The following UTP18 variants were observed in gnomAD, a reference collection of about 807,000 sequenced individuals.
UTP18 encodes UTP18 small subunit processome component.
In UTP18, 36 loss-of-function variants were observed where a neutral mutation model predicts 61.1. That is an observed-to-expected ratio of 0.59 (90% CI 0.45 to 0.78). The LOEUF is 0.78. UTP18 is among the 30% of genes least tolerant of loss of function. UTP18 has a pLI of 0.00. For synonymous variants in UTP18, 282 were observed against 251.1 expected (o/e 1.12, Z -1.16); for missense variants, 753 against 693.9 (o/e 1.09, Z -0.96).
intron 11 of UTP18, among the ~76,000 whole-genome samples, chr17:51,291,246 T>C (rs1905231203): frequency 1.3e-5 from 2 of 152,108 alleles, no homozygotes; most frequent in African/African-American, 4.8e-5. Flanking sequence ...ATTATACCTT[T>C]TAAAATGGGG....
intron 8 of UTP18, 91 bp downstream of exon 8, chr17:51,280,196 G>T (rs1353120204): frequency 5.8e-6 from 8 of 1,391,242 alleles, no homozygotes; most frequent in Non-Finnish European, 8.0e-6. Flanking sequence ...CCTTAAATCT[G>T]CATCTCCAAG....
chr17:51,297,126 T>C (rs1905388553), intron 13 of UTP18, 123 bp downstream of exon 13: 20 of 804,318 alleles, frequency 2.5e-5, no homozygotes, highest in Non-Finnish European at 3.4e-5. Flanking sequence ...CATCTTTATT[T>C]AGAGGGGTGG....
intron 5 of UTP18, among the ~76,000 whole-genome samples, chr17:51,274,936 G>T (rs1383205662): frequency 6.6e-6 from 1 of 151,376 alleles, no homozygotes; most frequent in African/African-American, 2.4e-5. Context: ...AGTGGCTCAC[G>T]CCTGTAATCC....
At position 51,277,250 on chromosome 17, in the gene UTP18, C is replaced by A; in HGVS notation, c.958C>A (p.Leu320Ile). The change falls in exon 7 of 14, where the codon CTT becomes ATT. Residue 320 changes from leucine to isoleucine, a missense_variant. Leu to Ile is a conservative substitution (Grantham distance 5, BLOSUM62 2). Transcript: ENST00000225298. ...VLATSTHSKV[L>I]YVYDMLAGKL... Reference sequence around the variant, plus strand: ...AGCCACGAGTACCCACAGCAAGGTTCTTTATGTCTATGACATGCTGGCTGG... The same window carrying A: ...AGCCACGAGTACCCACAGCAAGGTTATTTATGTCTATGACATGCTGGCTGG... 1 of 1,614,132 alleles carries A rather than the reference C, an allele frequency of 6.2e-7. No individual in the cohort carries two copies. Among genetic ancestry groups the A allele is most frequent in the Non-Finnish European group, 8.5e-7 (1 of 1,180,020 alleles).
intron 6 of UTP18, 132 bp downstream of exon 6, chr17:51,276,123 A>C (rs1904712980): frequency 2.2e-6 from 2 of 912,004 alleles, no homozygotes; most frequent in African/African-American, 1.8e-5. Context: ...AAGCATAGCT[A>C]AGTCTCACAG....
chr17:51,267,417 T>A (rs991774298), intron 3 of UTP18, among the ~76,000 whole-genome samples: 1 of 152,110 alleles, frequency 6.6e-6, no homozygotes, highest in African/African-American at 2.4e-5. Context: ...ATTTAGAATG[T>A]TGTGCCACCA....
At chr17:51,285,140 A>G (rs532588687) in intron 9 of UTP18, 105 bp from the exon 10 acceptor site, 7 of 1,235,606 alleles carry the variant, frequency 5.7e-6, no homozygotes, top group South Asian at 5.7e-5. Flanking sequence ...ATAGGTCTGT[A>G]TTTGTAGTCT....
At chr17:51,280,694 T>A (rs1904885836) in intron 9 of UTP18, among the ~76,000 whole-genome samples, 3 of 152,016 alleles carry the variant, frequency 2.0e-5, no homozygotes, top group Admixed American at 2.0e-4. Flanking sequence ...GGGCCTGTAG[T>A]CCCAGCTACT....
At chr17:51,279,818 A>G (rs1904851448) in intron 7 of UTP18, among the ~76,000 whole-genome samples, 187 bp from the exon 8 acceptor site, 1 of 152,220 alleles carries the variant, frequency 6.6e-6, no homozygotes, top group Admixed American at 6.5e-5. Context: ...AGTGCTTTGT[A>G]GTGACCTTAT....
At chr17:51,271,083 C>T (rs1904514710) in intron 4 of UTP18, among the ~76,000 whole-genome samples, 1 of 152,144 alleles carries the variant, frequency 6.6e-6, no homozygotes, top group Non-Finnish European at 1.5e-5. Flanking sequence ...AACAGCAATT[C>T]ATTAATATTA....
intron 7 of UTP18, among the ~76,000 whole-genome samples, chr17:51,278,448 G>C (rs1466141988): frequency 6.6e-6 from 1 of 152,226 alleles, no homozygotes; most frequent in Admixed American, 6.5e-5. Context: ...GCATCTCCTT[G>C]TCTTGCATCC....
At chr17:51,282,540 A>T (rs370876378) in intron 9 of UTP18, among the ~76,000 whole-genome samples, 3 of 151,670 alleles carry the variant, frequency 2.0e-5, no homozygotes, top group Non-Finnish European at 4.4e-5. Context: ...AAAGAAAGAA[A>T]GAATTAGTTC....
At chr17:51,264,543 C>T (rs890978600) in intron 2 of UTP18, among the ~76,000 whole-genome samples, 2 of 151,802 alleles carry the variant, frequency 1.3e-5, no homozygotes, top group African/African-American at 4.8e-5. Flanking sequence ...ACCAGTTTGC[C>T]TTCCCATTGA....
chr17:51,289,107 A>T (rs544249666), intron 11 of UTP18, among the ~76,000 whole-genome samples: 7 of 152,268 alleles, frequency 4.6e-5, no homozygotes, highest in African/African-American at 1.7e-4. Flanking sequence ...TCATTTAGGG[A>T]AAGTTTCATG....
chr17:51,293,416 A>C (rs932255374), intron 11 of UTP18, among the ~76,000 whole-genome samples: 2 of 152,156 alleles, frequency 1.3e-5, no homozygotes, highest in African/African-American at 4.8e-5. Context: ...GGTACAGTGT[A>C]CATCAATCTT....
chr17:51,263,296 G>T lies in UTP18; in HGVS notation c.365G>T (p.Gly122Val), dbSNP rs538136283. ...GPRVQEHEDS[G>V]DSEVENEAKG... ...TAGGTTCAAGAACATGAAGACTCGG[G>T]TGACTCAGAAGTGGAGAATGAAGCA... is the stretch of plus-strand genomic sequence containing the variant. Residue 122 changes from glycine (G) to valine (V), a missense_variant, in exon 2 of 14, where the codon GGT (glycine) becomes GTT (valine). Transcript: ENST00000225298. 6.2e-7 allele frequency: 1 copy of T among 1,614,186 alleles called. No individual in the cohort carries two copies. Among genetic ancestry groups the T allele is most frequent in the Admixed American group, 1.7e-5 (1 of 60,030 alleles).
chr17:51,293,649 G>A (rs191037980), intron 11 of UTP18, among the ~76,000 whole-genome samples: 1 of 152,192 alleles, frequency 6.6e-6, no homozygotes, highest in East Asian at 1.9e-4. Flanking sequence ...ACACTTAAGA[G>A]CCCAGACTTC....
intron 9 of UTP18, among the ~76,000 whole-genome samples, chr17:51,281,639 A>T (rs533749443): frequency 1.3e-5 from 2 of 152,230 alleles, no homozygotes; most frequent in South Asian, 4.1e-4. Context: ...CCTTGTGGTG[A>T]TGGGAAGTTT....
Position 51,260,916 on chromosome 17 carries a change from G to A in UTP18, c.332G>A (p.Arg111Gln). 1.3e-6 allele frequency: 2 copies of A among 1,583,324 alleles called. No homozygotes were observed. Among genetic ancestry groups the A allele is most frequent in the African/African-American group, 1.4e-5 (1 of 73,202 alleles). The change falls in exon 1 of 14, where the codon CGA becomes CAA. Residue 111 changes from arginine to glutamine, a missense_variant. Physicochemically the swap from Arg to Gln is conservative, Grantham distance 43. Coordinates refer to ENST00000225298, the MANE Select transcript of UTP18 (RefSeq NM_016001.3). Reference protein sequence around the residue: ...NDEDALLRRLRGPRVQEHEDS... With the variant: ...NDEDALLRRLQGPRVQEHEDS... ...GAGGACGCGTTGCTGCGGCGTCTGCGAGGCCCGAGGGTGAGGGAGGCCGCG... is the reference window on the plus strand; with the variant it reads ...GAGGACGCGTTGCTGCGGCGTCTGCAAGGCCCGAGGGTGAGGGAGGCCGCG...
Sources: allele counts gnomAD v4.1 joint callset (sites outside exome capture counted in the v4.1 genomes callset), GRCh38; gene constraint gnomAD v4.1.1; transcripts MANE v1.5; gene names NCBI Gene and HGNC (gene_info 2026-07-23, HGNC 2026-07-21).